The following PSD2 variants were observed in gnomAD, a reference collection of about 807,000 sequenced individuals.
PSD2 encodes PH and SEC7 domain-containing protein 2.
In PSD2, 38 loss-of-function variants were observed where a neutral mutation model predicts 69.8. The observed-to-expected ratio is 0.54, with a 90% CI of 0.42 to 0.71. The LOEUF (loss-of-function observed/expected upper bound fraction) is 0.71. PSD2 is among the 30% of genes least tolerant of loss of function. The pLI, the probability that PSD2 is intolerant of heterozygous loss-of-function variation, is 0.00. For missense variants in PSD2, 943 were observed against 1,014.5 expected, an observed-to-expected ratio of 0.93 and a Z score of 0.96; for synonymous variants, 412 against 423.0, an observed-to-expected ratio of 0.97 and a Z score of 0.32.
In PSD2 at chr5:139,842,725, G is replaced by T; in HGVS notation, c.*251G>T. On this transcript the variant is annotated 3_prime_UTR_variant, in exon 15 of 15. Coordinates refer to ENST00000274710, the MANE Select transcript of PSD2 (RefSeq NM_032289.4). ...CCTCTCCACCATGGAGCCTCATTTTGTAGGCCAGTTGTGTGCATGCTCTAG... is the reference window on the plus strand; with the variant it reads ...CCTCTCCACCATGGAGCCTCATTTTTTAGGCCAGTTGTGTGCATGCTCTAG... 1.9e-6 allele frequency: 1 copy of T among 517,842 alleles called. No homozygotes were observed. Among genetic ancestry groups the T allele is most frequent in the South Asian group, 2.6e-5 (1 of 39,028 alleles). The allele number at this position is 517,842 out of a possible 1,614,324, so 32.1% of individuals were successfully genotyped here. A position where few individuals can be genotyped will look rare whatever the true frequency, so the allele number is the denominator to read the frequency against.
chr5:139,830,632 C>CTTTCTT (rs1236244832), intron 7 of PSD2, among the ~76,000 whole-genome samples: 1 of 120,964 alleles, frequency 8.3e-6, no homozygotes, highest in Non-Finnish European at 1.7e-5. Context: ...CTTTCTCTTT[C>CTTTCTT]TTTCTTTCTT....
In PSD2 at chr5:139,841,578, C is replaced by T. The variant is rs145702744; in HGVS notation, c.2113-693C>T. ...TGTGGTAATTTTATTTTTAACTTTTCGATAAACCACCAGCTTTCCATAACA... is the reference window on the plus strand; with the variant it reads ...TGTGGTAATTTTATTTTTAACTTTTTGATAAACCACCAGCTTTCCATAACA... On this transcript the variant is annotated intron_variant, in intron 14 of 14. Transcript: ENST00000274710. Among the ~76,000 whole-genome samples the T allele has an allele frequency of 1.7e-3, 263 of 152,278 alleles. 2 individuals carry two copies. Among genetic ancestry groups the T allele is most frequent in the African/African-American group, 5.8e-3 (242 of 41,560 alleles).
chr5:139,814,648 G>A lies in PSD2; in HGVS notation c.1016+284G>A, dbSNP rs1392887394. Reference sequence around the variant, plus strand: ...ATGTGGGATGTGGTTATGGGGCCACGATGGATGTGAGGACAGAGAAGCCAG... The same window carrying A: ...ATGTGGGATGTGGTTATGGGGCCACAATGGATGTGAGGACAGAGAAGCCAG... On this transcript the variant is annotated intron_variant, in intron 4 of 14. Transcript: ENST00000274710. The surrounding 1 kb of genome is among the most constrained non-coding windows in gnomAD (Gnocchi z 4.4). 1.7e-4 allele frequency among the ~76,000 whole-genome samples: 26 copies of A among 152,094 alleles called. No homozygotes were observed. The highest frequency in any genetic ancestry group is 1.0e-3 in the Admixed American group (16 of 15,268).
chr5:139,800,391 G>A (rs557636625), intron 1 of PSD2, among the ~76,000 whole-genome samples: 8 of 152,298 alleles, frequency 5.3e-5, no homozygotes, highest in Admixed American at 2.6e-4. Context: ...TGAAGTTGTC[G>A]CCTCTCCCAC....
the PSD2 span, among the ~76,000 whole-genome samples, chr5:139,757,255 A>G: frequency 6.6e-6 from 1 of 152,160 alleles, no homozygotes; most frequent in South Asian, 2.1e-4. Flanking sequence ...TGGGATGAGA[A>G]TCATCCTCCT....
chr5:139,840,771 C>G (rs979798897), intron 14 of PSD2, among the ~76,000 whole-genome samples: 1 of 152,036 alleles, frequency 6.6e-6, no homozygotes, highest in Non-Finnish European at 1.5e-5. Context: ...AGGATGGTCT[C>G]GAACTCCTGA....
chr5:139,817,705 AG>A, intron 5 of PSD2, 144 bp downstream of exon 5: 1 of 676,894 alleles, frequency 1.5e-6, no homozygotes, highest in Non-Finnish European at 2.6e-6. Flanking sequence ...GGGCCACAGG[AG>A]CAGCAGCGGC....
At chr5:139,840,519 C>A (rs1052928788) in intron 14 of PSD2, among the ~76,000 whole-genome samples, 1 of 152,046 alleles carries the variant, frequency 6.6e-6, no homozygotes, top group Non-Finnish European at 1.5e-5. Context: ...TCTTCACTAA[C>A]CTGATAGGTT....
At chr5:139,808,579 C>T (rs957172990) in intron 1 of PSD2, among the ~76,000 whole-genome samples, 2 of 152,206 alleles carry the variant, frequency 1.3e-5, no homozygotes, top group Admixed American at 6.5e-5. Context: ...CCAGAGTGCC[C>T]CTTGGCGGCC....
At chr5:139,755,267 C>T in the PSD2 span, among the ~76,000 whole-genome samples, 634 of 152,142 alleles carry the variant, frequency 4.2e-3, 1 homozygote, top group African/African-American at 0.014. Flanking sequence ...GGCTCTCGCT[C>T]GAATACACTT....
the PSD2 span, among the ~76,000 whole-genome samples, chr5:139,744,288 C>T: frequency 3.3e-5 from 5 of 152,210 alleles, no homozygotes; most frequent in African/African-American, 1.2e-4. Context: ...GAGGCTCGGC[C>T]TCCAACTCCC....
chr5:139,832,989 C>G (rs948314154), intron 7 of PSD2, among the ~76,000 whole-genome samples: 3 of 152,092 alleles, frequency 2.0e-5, no homozygotes, highest in African/African-American at 7.2e-5. Flanking sequence ...TTTGTCCCAG[C>G]TCAGCTCAGC....
Position 139,840,459 on chromosome 5 carries a change from A to G in PSD2, c.2112+289A>G, listed in dbSNP as rs573119186. On this transcript the variant is annotated intron_variant, in intron 14 of 14. Transcript: ENST00000274710. ...AACCCCTTTAATAATTTGTGAATGTACTTATTTCTCCATGCCCTCACCAGC... is the reference window on the plus strand; with the variant it reads ...AACCCCTTTAATAATTTGTGAATGTGCTTATTTCTCCATGCCCTCACCAGC... Among the ~76,000 whole-genome samples the G allele has an allele frequency of 3.9e-5, 6 of 152,150 alleles. No individual in the cohort carries two copies. In the South Asian group the frequency reaches 1.2e-3, roughly 32 times the overall value.
chr5:139,802,336 C>A (rs1759694702), intron 1 of PSD2, among the ~76,000 whole-genome samples: 1 of 152,030 alleles, frequency 6.6e-6, no homozygotes, highest in Non-Finnish European at 1.5e-5. Flanking sequence ...TGTCTCTTGG[C>A]TGTTGAAGCA....
At chr5:139,773,662 C>A in the PSD2 span, among the ~76,000 whole-genome samples, 1 of 152,148 alleles carries the variant, frequency 6.6e-6, no homozygotes, top group East Asian at 1.9e-4. Flanking sequence ...TGTCATAATT[C>A]TTTCCTTTTT....
the PSD2 span, chr5:139,775,209 C>G: frequency 4.6e-5 from 7 of 152,508 alleles, no homozygotes; most frequent in African/African-American, 1.7e-4. Flanking sequence ...CACACCCTAT[C>G]TTTGCAAGGC....
Position 139,814,494 on chromosome 5 carries a change from ACCTCCTC to A in PSD2, c.1016+133_1016+139del. 1.3e-6 allele frequency: 1 copy of A among 758,720 alleles called. No individual in the cohort carries two copies. The highest frequency in any genetic ancestry group is 2.0e-6 in the Non-Finnish European group (1 of 504,572). 47.0% of individuals were successfully genotyped at this position (758,720 alleles called of 1,614,324 possible). On this transcript the variant is annotated intron_variant, in intron 4 of 14. Transcript: ENST00000274710. This position sits in a 1 kb window ranked among gnomAD's most constrained non-coding sequence, Gnocchi z 4.4. The stretch of plus-strand genomic sequence containing the variant: ...GCACTCCCAACAGTTCCCCAAGGAC[ACCTCCTC>A]CCGCCACTGTCCTCATTCCTGGCCT...
intron 8 of PSD2, among the ~76,000 whole-genome samples, 179 bp downstream of exon 8, chr5:139,833,970 G>A (rs777611350): frequency 3.2e-4 from 48 of 152,208 alleles, no homozygotes; most frequent in South Asian, 6.2e-4. Context: ...CCCTGAGTTA[G>A]GCAGAGGGTA....
In PSD2 at chr5:139,816,993, T is replaced by C. The variant is rs537208068; in HGVS notation, c.1017-488T>C. Among the ~76,000 whole-genome samples the C allele has an allele frequency of 4.2e-4, 64 of 152,274 alleles. No individual in the cohort carries two copies. In the East Asian group the frequency reaches 8.5e-3, roughly 20 times the overall value. ...TTCTCTTTTCCCCATCCCTTCTATCTCTATCTGGACAACTATGGCAGTCCC... is the reference window on the plus strand; with the variant it reads ...TTCTCTTTTCCCCATCCCTTCTATCCCTATCTGGACAACTATGGCAGTCCC... On this transcript the variant is annotated intron_variant, in intron 4 of 14. Transcript: ENST00000274710.
Sources: gnomAD v4.1 joint callset for allele counts (sites outside exome capture counted in the v4.1 genomes callset) on GRCh38, gnomAD v4.1.1 for gene constraint, Gnocchi (gnomAD v3.1) non-coding constraint, MANE v1.5 for transcripts, NCBI Gene and HGNC (gene_info 2026-07-23, HGNC 2026-07-21) for gene names.